Variants in RBFOX1 observed in about 807,000 individuals in gnomAD.
RBFOX1 encodes RNA binding fox-1 homolog 1.
Under a neutral mutation model 57.7 loss-of-function variants are expected in RBFOX1, and 8 were observed. The observed-to-expected ratio is 0.14, with a 90% CI of 0.08 to 0.25. RBFOX1 has a LOEUF of 0.25. RBFOX1 is among the 10% of genes least tolerant of loss of function. RBFOX1 has a pLI of 1.00. For synonymous variants in RBFOX1, 326 were observed against 222.4 expected (o/e 1.47, Z -4.15); for missense variants, 611 against 548.5 (o/e 1.11, Z -1.14).
At position 5,652,570 on chromosome 16, in the gene RBFOX1, C is replaced by G. The variant is rs539489022; in HGVS notation, c.318+53609C>G. Reference sequence around the variant, plus strand: ...TTGTGCTTCGCCAAGGCCATACCATCCAGACCTCCACTCCAGAAGTCTTTG... The same window carrying G: ...TTGTGCTTCGCCAAGGCCATACCATGCAGACCTCCACTCCAGAAGTCTTTG... On this transcript the variant is annotated intron_variant, in intron 3 of 19. Transcript: ENST00000641259. Among the ~76,000 whole-genome samples the G allele has an allele frequency of 2.6e-3, 397 of 152,314 alleles. 1 individual carries two copies. The highest frequency in any genetic ancestry group is 9.2e-3 in the African/African-American group (383 of 41,566).
chr16:6,257,023 G>C (rs755820349), intron 1 of RBFOX1, among the ~76,000 whole-genome samples: 1 of 152,078 alleles, frequency 6.6e-6, no homozygotes, highest in Non-Finnish European at 1.5e-5. Flanking sequence ...AAAGAAGAAT[G>C]ACTGGTTGGA....
chr16:6,176,692 A>ATTTT (rs71142687), intron 1 of RBFOX1, among the ~76,000 whole-genome samples: 1 of 148,838 alleles, frequency 6.7e-6, no homozygotes. Flanking sequence ...TTCTTAGGTC[A>ATTTT]TTTTTTTTTT....
intron 3 of RBFOX1, among the ~76,000 whole-genome samples, chr16:6,937,065 A>G (rs1485983420): frequency 1.3e-5 from 2 of 152,148 alleles, no homozygotes; most frequent in African/African-American, 2.4e-5. Context: ...CACAATGTGC[A>G]CATGTACCCT....
chr16:5,944,209 C>G (rs1348231565), intron 4 of RBFOX1, among the ~76,000 whole-genome samples: 1 of 152,186 alleles, frequency 6.6e-6, no homozygotes, highest in African/African-American at 2.4e-5. Flanking sequence ...AGATTGAGTT[C>G]TGAAGGAAAG....
At chr16:6,312,304 G>A (rs1288985666) in intron 1 of RBFOX1, among the ~76,000 whole-genome samples, 1 of 152,078 alleles carries the variant, frequency 6.6e-6, no homozygotes. Flanking sequence ...AAACAAGGCA[G>A]CCCTTACCCT....
At chr16:5,667,717 A>G (rs2049891780) in intron 3 of RBFOX1, among the ~76,000 whole-genome samples, 1 of 152,238 alleles carries the variant, frequency 6.6e-6, no homozygotes, top group African/African-American at 2.4e-5. Flanking sequence ...AGGTGAAACT[A>G]TTAGAATTAG....
At chr16:7,561,822 A>G (rs922820104) in intron 5 of RBFOX1, among the ~76,000 whole-genome samples, 2 of 152,248 alleles carry the variant, frequency 1.3e-5, no homozygotes, top group African/African-American at 2.4e-5. Flanking sequence ...GGTCTGGGAA[A>G]TTAGCATAAC....
chr16:6,775,126 C>A (rs2079087451), intron 3 of RBFOX1, among the ~76,000 whole-genome samples: 1 of 150,240 alleles, frequency 6.7e-6, no homozygotes, highest in East Asian at 2.0e-4. Context: ...GAGATCCAGA[C>A]CATCCTGGCG....
chr16:6,539,070 C>T (rs1190997302), intron 2 of RBFOX1, among the ~76,000 whole-genome samples: 3 of 151,850 alleles, frequency 2.0e-5, no homozygotes, highest in Non-Finnish European at 4.4e-5. Context: ...ATTGCTGTCT[C>T]TGCAAGGCTG....
intron 4 of RBFOX1, among the ~76,000 whole-genome samples, chr16:7,238,678 G>A (rs36008205): frequency 0.075 from 11,428 of 152,148 alleles, 513 homozygotes; most frequent in East Asian, 0.18. Context: ...ACAAGTGCAG[G>A]CTTGTTACAT....
intron 4 of RBFOX1, among the ~76,000 whole-genome samples, chr16:7,345,243 G>A (rs1486308927): frequency 6.6e-6 from 1 of 152,116 alleles, no homozygotes; most frequent in Non-Finnish European, 1.5e-5. Context: ...GTCTTCTATT[G>A]TTACTGTGGT....
chr16:5,914,135 G>GA (rs751091237), intron 4 of RBFOX1, among the ~76,000 whole-genome samples: 2 of 152,156 alleles, frequency 1.3e-5, no homozygotes, highest in Non-Finnish European at 2.9e-5. Context: ...CAGCCAGGAG[G>GA]AAAGGACGTT....
At chr16:7,115,017 C>T (rs767157201) in intron 4 of RBFOX1, among the ~76,000 whole-genome samples, 2 of 152,172 alleles carry the variant, frequency 1.3e-5, no homozygotes, top group Admixed American at 6.5e-5. Flanking sequence ...TCTTTAGCTC[C>T]TTAAGGAATG....
At chr16:6,063,489 ACACACACACACACACACC>A (rs1157923853) in intron 1 of RBFOX1, among the ~76,000 whole-genome samples, 9 of 106,540 alleles carry the variant, frequency 8.4e-5, no homozygotes, top group African/African-American at 2.9e-4. Flanking sequence ...ACACACACAC[ACACACACACACACACACC>A]CCCTTATATT....
intron 5 of RBFOX1, among the ~76,000 whole-genome samples, chr16:7,556,993 A>G (rs902518848): frequency 2.0e-5 from 3 of 152,150 alleles, no homozygotes; most frequent in African/African-American, 7.2e-5. Context: ...TCCTCATCAT[A>G]TGGATATCAT....
At chr16:5,915,010 A>T (rs1023285150) in intron 4 of RBFOX1, among the ~76,000 whole-genome samples, 1 of 152,178 alleles carries the variant, frequency 6.6e-6, no homozygotes, top group African/African-American at 2.4e-5. Flanking sequence ...CTTTTGCTCT[A>T]TGGTGTTGAG....
intron 3 of RBFOX1, among the ~76,000 whole-genome samples, chr16:7,017,796 G>T (rs905135461): frequency 4.3e-4 from 66 of 152,140 alleles, no homozygotes; most frequent in African/African-American, 1.5e-3. Flanking sequence ...AAAGAACATC[G>T]TGGTGTGCTT....
intron 3 of RBFOX1, among the ~76,000 whole-genome samples, chr16:7,010,460 C>T (rs561491304): frequency 6.6e-5 from 10 of 152,088 alleles, no homozygotes; most frequent in Admixed American, 1.3e-4. Flanking sequence ...CGTGAGCATC[C>T]GAGGGGCTAG....
chr16:6,819,437 G>T (rs574523601), intron 3 of RBFOX1, among the ~76,000 whole-genome samples: 59 of 152,198 alleles, frequency 3.9e-4, no homozygotes, highest in Non-Finnish European at 4.0e-4. Context: ...GGTAGGCCGG[G>T]CATGGTGGCT....
Sources: allele counts gnomAD v4.1 joint callset (sites outside exome capture counted in the v4.1 genomes callset), GRCh38; gene constraint gnomAD v4.1.1; transcripts MANE v1.5; gene names NCBI Gene and HGNC (gene_info 2026-07-23, HGNC 2026-07-21).